The following HECW2 variants were observed in gnomAD, a reference collection of about 807,000 sequenced individuals.
HECW2 encodes E3 ubiquitin-protein ligase HECW2.
A neutral mutation model predicts 175.2 loss-of-function variants in HECW2; 61 were observed. That is an observed-to-expected ratio of 0.35 (90% CI 0.28 to 0.43). The LOEUF is 0.43. HECW2 is among the 20% of genes least tolerant of loss of function. HECW2 has a pLI of 1.00. For missense variants in HECW2, 1,524 were observed against 2,000.5 expected (o/e 0.76, Z 4.54); for synonymous variants, 671 against 731.0 (o/e 0.92, Z 1.32).
intron 2 of HECW2, among the ~76,000 whole-genome samples, chr2:196,425,742 A>G (rs1559103124): frequency 1.3e-5 from 2 of 152,188 alleles, no homozygotes; most frequent in Non-Finnish European, 2.9e-5. Flanking sequence ...TTCCTGAGAT[A>G]AAATCTACTC....
At chr2:196,353,827 C>T (rs1390486841) in intron 2 of HECW2, among the ~76,000 whole-genome samples, 1 of 152,174 alleles carries the variant, frequency 6.6e-6, no homozygotes, top group Non-Finnish European at 1.5e-5. Context: ...CCTATAAAAA[C>T]CTCAGACTCA....
At chr2:196,449,243 G>T (rs1205368601) in intron 1 of HECW2, among the ~76,000 whole-genome samples, 1 of 152,174 alleles carries the variant, frequency 6.6e-6, no homozygotes, top group Non-Finnish European at 1.5e-5. Flanking sequence ...TAGCTCTCCA[G>T]CTGACCTTGA....
At chr2:196,474,900 A>G (rs1218064677) in intron 1 of HECW2, among the ~76,000 whole-genome samples, 2 of 152,186 alleles carry the variant, frequency 1.3e-5, no homozygotes, top group Non-Finnish European at 2.9e-5. Context: ...CATTTATTAG[A>G]ATATGTTCAA....
chr2:196,420,826 G>A (rs1231821767), intron 2 of HECW2, among the ~76,000 whole-genome samples: 2 of 151,716 alleles, frequency 1.3e-5, no homozygotes, highest in African/African-American at 4.8e-5. Context: ...TTGTTACATA[G>A]AATATGTCTA....
intron 1 of HECW2, among the ~76,000 whole-genome samples, chr2:196,585,719 G>A (rs1050744018): frequency 6.6e-6 from 1 of 152,056 alleles, no homozygotes; most frequent in Non-Finnish European, 1.5e-5. Context: ...AAAATGGAGG[G>A]AGGAAGGGGT....
chr2:196,324,386 A>T (rs1321982849), intron 6 of HECW2, among the ~76,000 whole-genome samples: 1 of 152,176 alleles, frequency 6.6e-6, no homozygotes, highest in East Asian at 1.9e-4. Context: ...CTGGTAGCAT[A>T]CTGTAGCTGT....
intron 15 of HECW2, among the ~76,000 whole-genome samples, chr2:196,275,871 A>G (rs1400959898): frequency 6.6e-6 from 1 of 152,238 alleles, no homozygotes; most frequent in Non-Finnish European, 1.5e-5. Context: ...AAAGACATCA[A>G]TATTTCTACT....
At chr2:196,339,618 A>AAGG (rs1482169836) in intron 3 of HECW2, among the ~76,000 whole-genome samples, 1 of 152,212 alleles carries the variant, frequency 6.6e-6, no homozygotes, top group Admixed American at 6.5e-5. Context: ...AGATGGATGG[A>AAGG]AGGAGGGAAG....
intron 1 of HECW2, among the ~76,000 whole-genome samples, chr2:196,457,419 T>G (rs1696556650): frequency 6.6e-6 from 1 of 152,260 alleles, no homozygotes; most frequent in South Asian, 2.1e-4. Context: ...TACTGTCACC[T>G]CTTAACTATA....
chr2:196,370,317 C>T (rs577340981), intron 2 of HECW2, among the ~76,000 whole-genome samples: 7 of 152,262 alleles, frequency 4.6e-5, no homozygotes, highest in Middle Eastern at 3.4e-3. Flanking sequence ...AAATGTCATC[C>T]AGGAGCTAGG....
intron 2 of HECW2, among the ~76,000 whole-genome samples, chr2:196,406,047 G>T (rs1291253133): frequency 6.6e-6 from 1 of 151,992 alleles, no homozygotes; most frequent in East Asian, 1.9e-4. Context: ...AGCCTTCTGT[G>T]CCTCCTCTCT....
At chr2:196,363,545 T>A (rs1259818394) in intron 2 of HECW2, among the ~76,000 whole-genome samples, 1 of 152,114 alleles carries the variant, frequency 6.6e-6, no homozygotes. Context: ...GAAAAATAAA[T>A]CTAGGCCAGG....
At chr2:196,412,247 T>C (rs1019247826) in intron 2 of HECW2, among the ~76,000 whole-genome samples, 9 of 152,156 alleles carry the variant, frequency 5.9e-5, no homozygotes, top group African/African-American at 1.9e-4. Flanking sequence ...TTGCGACCAG[T>C]GTAGGAAAAT....
intron 2 of HECW2, among the ~76,000 whole-genome samples, chr2:196,367,721 CAAGT>C (rs1693783697): frequency 6.6e-6 from 1 of 152,100 alleles, no homozygotes; most frequent in Non-Finnish European, 1.5e-5. Context: ...TTAGTTCCCA[CAAGT>C]AAGTGACAAC....
At chr2:196,269,080 G>A (rs1230625198) in intron 17 of HECW2, among the ~76,000 whole-genome samples, 1 of 152,204 alleles carries the variant, frequency 6.6e-6, no homozygotes, top group Non-Finnish European at 1.5e-5. Flanking sequence ...TTAACCATGT[G>A]AAACCAGGTG....
intron 28 of HECW2, 102 bp downstream of exon 28, chr2:196,215,762 CT>C (rs1687454558): frequency 7.5e-6 from 6 of 797,346 alleles, no homozygotes; most frequent in Admixed American, 5.2e-5. Context: ...CTTTTCCGCT[CT>C]CCCAAACTTT....
At chr2:196,226,422 T>A (rs1531110) in intron 22 of HECW2, among the ~76,000 whole-genome samples, 7 of 152,012 alleles carry the variant, frequency 4.6e-5, no homozygotes, top group Non-Finnish European at 7.4e-5. Context: ...ATTACCAGTC[T>A]CAGGTATTTC....
chr2:196,220,143 G>T lies in HECW2; in HGVS notation c.4304C>A (p.Ala1435Asp). The stretch of plus-strand genomic sequence containing the variant: ...TGCATCAAAAACAGATACCAGCCTG[G>T]CATCCACCACCTGTGGAATAAAAAG... ...LVRGFYEVVD[A>D]RLVSVFDARE... Residue 1435 changes from alanine (A) to aspartate (D), a missense_variant, in exon 26 of 29, where the codon GCC becomes GAC. Ala to Asp is a moderately radical substitution (Grantham distance 126). Around this residue, in one of 11 missense-constraint regions of HECW2, gnomAD observed 134 missense variants for 287.8 expected, o/e 0.47. Transcript: ENST00000644978. 1 of 1,609,740 alleles carries T rather than the reference G, an allele frequency of 6.2e-7. No individual in the cohort carries two copies. The highest frequency in any genetic ancestry group is 8.5e-7 in the Non-Finnish European group (1 of 1,176,728).
intron 1 of HECW2, among the ~76,000 whole-genome samples, chr2:196,503,478 A>G (rs1464838268): frequency 6.6e-6 from 1 of 152,148 alleles, no homozygotes; most frequent in African/African-American, 2.4e-5. Context: ...CATTGAGAGG[A>G]AAGGGCAGAA....
Sources: allele counts gnomAD v4.1 joint callset (sites outside exome capture counted in the v4.1 genomes callset), GRCh38; gene constraint gnomAD v4.1.1; regional missense constraint gnomAD v4.1.1; transcripts MANE v1.5; gene names NCBI Gene and HGNC (gene_info 2026-07-23, HGNC 2026-07-21).